ZNF726: variants seen among roughly 807,000 people sequenced by gnomAD.
ZNF726 encodes zinc finger protein 92 pseudogene 3.
ZNF726 carries 15 observed loss-of-function variants against 11.6 expected under a neutral mutation model. The observed-to-expected ratio is 1.29, with a 90% confidence interval of 0.86 to 1.99. The LOEUF is 1.99. ZNF726 is among the 30% of genes most tolerant of loss of function. ZNF726 has a pLI of 0.00. For synonymous variants in ZNF726, 295 were observed against 243.6 expected (o/e 1.21, Z -1.96); for missense variants, 890 against 725.6 (o/e 1.23, Z -2.60).
At chr19:23,916,186 C>G (rs923477116) in intron 1 of ZNF726, among the ~76,000 whole-genome samples, 4 of 152,198 alleles carry the variant, frequency 2.6e-5, no homozygotes, top group African/African-American at 9.6e-5. Flanking sequence ...CCTTATTCCT[C>G]CAGCCTGACT....
At chr19:23,923,248 G>A (rs996684440) in intron 3 of ZNF726, among the ~76,000 whole-genome samples, 2 of 151,930 alleles carry the variant, frequency 1.3e-5, no homozygotes, top group Non-Finnish European at 2.9e-5. Context: ...TTGGATTACA[G>A]TAGTTTTATT....
intron 3 of ZNF726, among the ~76,000 whole-genome samples, chr19:23,925,198 C>T (rs1478828269): frequency 2.0e-5 from 3 of 151,622 alleles, no homozygotes; most frequent in South Asian, 2.1e-4. Context: ...GAATAATATT[C>T]CATTGTATCA....
intron 2 of ZNF726, chr19:23,919,705 A>C (rs969125809): frequency 1.7e-6 from 1 of 599,046 alleles, no homozygotes; most frequent in Non-Finnish European, 2.5e-6. Flanking sequence ...CTTTCGCTTT[A>C]GATTAGTGGT....
At chr19:23,939,882 T>TTTTTTTTTTTTTTTTC (rs1968310143) in intron 3 of ZNF726, among the ~76,000 whole-genome samples, 6 of 149,554 alleles carry the variant, frequency 4.0e-5, no homozygotes, top group African/African-American at 1.5e-4. Context: ...TTTTTTTTTT[T>TTTTTTTTTTTTTTTTC]CTGACTGATT....
intron 3 of ZNF726, among the ~76,000 whole-genome samples, chr19:23,922,501 C>A (rs1967877821): frequency 6.6e-6 from 1 of 152,202 alleles, no homozygotes; most frequent in African/African-American, 2.4e-5. Flanking sequence ...CATTGGCTCC[C>A]AAGACTGTGG....
In ZNF726 at chr19:23,920,127, A is replaced by G. The variant is rs745761365; in HGVS notation, c.226+45A>G. 8.1e-6 allele frequency: 11 copies of G among 1,356,830 alleles called. No individual in the cohort carries two copies. The African/African-American group carries it at 1.2e-4, about 14-fold the overall frequency. The allele number at this position is 1,356,830 out of a possible 1,614,324, so 84.0% of individuals were successfully genotyped here. A position where few individuals can be genotyped will look rare whatever the true frequency, so the allele number is the denominator to read the frequency against. ...ACAGATGACCTGGATGAGAGGTCCA[A>G]CGTCAAGAAGAAAGCCAGTCTTTAA... On this transcript the variant is annotated intron_variant, in intron 3 of 3. Coordinates refer to ENST00000594466, the MANE Select transcript of ZNF726 (RefSeq NM_001244038.2).
intron 3 of ZNF726, chr19:23,928,588 T>A (rs1968037805): frequency 6.6e-6 from 1 of 152,216 alleles, no homozygotes; most frequent in South Asian, 2.1e-4. Context: ...TACCAATGTT[T>A]GTCTCACGTT....
At chr19:23,932,204 G>A in intron 3 of ZNF726, 139 bp from the exon 4 acceptor site, 1 of 546,000 alleles carries the variant, frequency 1.8e-6, no homozygotes, top group East Asian at 3.5e-5. Context: ...ACATTTAAAT[G>A]TCTATGAAAG....
Position 23,934,440 on chromosome 19 carries a change from A to G in ZNF726, c.*473A>G, listed in dbSNP as rs556422297. On this transcript the variant is annotated 3_prime_UTR_variant, in exon 4 of 4. Coordinates refer to ENST00000594466, the MANE Select transcript of ZNF726 (RefSeq NM_001244038.2). ...AAGCAGTCTTCAATCCTGAGTAACC[A>G]TAAGATAATTCAAACTGGAAAGAAA... 8 of 422,406 alleles carry G rather than the reference A, an allele frequency of 1.9e-5. No homozygotes were observed. The East Asian group carries it at 4.8e-4, about 25-fold the overall frequency. The allele number at this position is 422,406 out of a possible 1,614,324, so 26.2% of individuals were successfully genotyped here. A position where few individuals can be genotyped will look rare whatever the true frequency, so the allele number is the denominator to read the frequency against.
At position 23,919,623 on chromosome 19, in the gene ZNF726, C is replaced by A. The variant is rs577200033; in HGVS notation, c.130+124C>A. The stretch of plus-strand genomic sequence containing the variant: ...TTTCAAGAAAATCCTGGGGATTTGT[C>A]TGTTTAGAAAAAATTTCTTCAAGAT... On this transcript the variant is annotated intron_variant, in intron 2 of 3. Transcript: ENST00000594466. 2.0e-5 allele frequency: 26 copies of A among 1,271,814 alleles called. No individual in the cohort carries two copies. The East Asian group carries it at 4.4e-4, about 21-fold the overall frequency. The allele number at this position is 1,271,814 out of a possible 1,614,324, so 78.8% of individuals were successfully genotyped here. A position where few individuals can be genotyped will look rare whatever the true frequency, so the allele number is the denominator to read the frequency against.
chr19:23,943,835 A>G lies in ZNF726; in HGVS notation c.322+246A>G, dbSNP rs149217222. On this transcript the variant is annotated intron_variant, in intron 4 of 4. Transcript: ENST00000334589. ...TACCATGAGAACTAAACTCCTCTTT[A>G]TGGCTTATAAGGTACTGCATGATAT... The G allele has an allele frequency of 4.3e-3, 1,377 of 322,220 alleles. 5 individuals carry two copies. The highest frequency in any genetic ancestry group is 5.7e-3 in the Non-Finnish European group (1,007 of 176,338). 20.0% of individuals were successfully genotyped at this position (322,220 alleles called of 1,614,324 possible).
At chr19:23,926,117 A>T (rs1176487555) in intron 3 of ZNF726, among the ~76,000 whole-genome samples, 1 of 152,196 alleles carries the variant, frequency 6.6e-6, no homozygotes, top group Non-Finnish European at 1.5e-5. Flanking sequence ...TCCATCTTTT[A>T]AATATTTATA....
At chr19:23,915,609 G>T (rs1189804418) in intron 1 of ZNF726, among the ~76,000 whole-genome samples, 1 of 151,512 alleles carries the variant, frequency 6.6e-6, no homozygotes, top group Non-Finnish European at 1.5e-5. Context: ...TTTTGAGGCA[G>T]AGTCTCTGTT....
chr19:23,938,356 C>CA (rs35995397), downstream of ZNF726, among the ~76,000 whole-genome samples: 18 of 150,540 alleles, frequency 1.2e-4, no homozygotes, highest in South Asian at 4.2e-4. Context: ...TATTTTTAGC[C>CA]AAAAAAAAGT....
At chr19:23,922,398 G>A (rs1488050543) in intron 3 of ZNF726, among the ~76,000 whole-genome samples, 3 of 152,172 alleles carry the variant, frequency 2.0e-5, no homozygotes, top group African/African-American at 4.8e-5. Flanking sequence ...CTGCTTCAGG[G>A]ACCACAGGAA....
At position 23,934,217 on chromosome 19, in the gene ZNF726, AC is replaced by A. The variant is rs1568381367; in HGVS notation, c.*253del. ...ATAAGATAATTCATACTGGAAATAA[AC>A]CCTACAAATGTGAAAAATGTGGCAA... is the stretch of plus-strand genomic sequence containing the variant. On this transcript the variant is annotated 3_prime_UTR_variant, in exon 4 of 4. Coordinates refer to ENST00000594466, the MANE Select transcript of ZNF726 (RefSeq NM_001244038.2). 1 of 752,298 alleles carries A rather than the reference AC, an allele frequency of 1.3e-6. No individual in the cohort carries two copies. The highest frequency in any genetic ancestry group is 1.7e-5 in the African/African-American group (1 of 57,886). The allele number at this position is 752,298 out of a possible 1,614,324, so 46.6% of individuals were successfully genotyped here.
In ZNF726 at chr19:23,914,922, C is replaced by T. The variant is rs1967657886; in HGVS notation, c.-73C>T. On this transcript the variant is annotated 5_prime_UTR_variant, in exon 1 of 4. Transcript: ENST00000594466. ...CGGCCGGAGCTCCAGGTCTCGTCCT[C>T]ACTACTCTGTGTCTTCTGCTTTTAG... 1.2e-6 allele frequency: 2 copies of T among 1,607,962 alleles called. No individual in the cohort carries two copies. Among genetic ancestry groups the T allele is most frequent in the African/African-American group, 1.3e-5 (1 of 74,802 alleles).
chr19:23,942,580 G>T (rs1300223805), intron 3 of ZNF726, among the ~76,000 whole-genome samples: 3 of 151,986 alleles, frequency 2.0e-5, no homozygotes, highest in Non-Finnish European at 4.4e-5. Flanking sequence ...CCCTCTTATG[G>T]TATTGATGTC....
Position 23,933,999 on chromosome 19 carries a change from A to G in ZNF726, c.*32A>G. 1 of 1,582,952 alleles carries G rather than the reference A, an allele frequency of 6.3e-7. No homozygotes were observed. The highest frequency in any genetic ancestry group is 8.6e-7 in the Non-Finnish European group (1 of 1,162,544). On this transcript the variant is annotated 3_prime_UTR_variant, in exon 4 of 4. Coordinates refer to ENST00000594466, the MANE Select transcript of ZNF726 (RefSeq NM_001244038.2). ...CCTTAAAAAGGGTAAAGAATGTGGC[A>G]AAGCATTTATATGGTCCTCAACGCT... is the stretch of plus-strand genomic sequence containing the variant.
Sources: allele counts gnomAD v4.1 joint callset (sites outside exome capture counted in the v4.1 genomes callset), GRCh38; gene constraint gnomAD v4.1.1; transcripts MANE v1.5; gene names NCBI Gene and HGNC (gene_info 2026-07-23, HGNC 2026-07-21).